Variants in LRRC4C observed in about 807,000 individuals in gnomAD.
The protein encoded by LRRC4C is leucine-rich repeat-containing protein 4C.
Under a neutral mutation model 33.6 loss-of-function variants are expected in LRRC4C, and 5 were observed. That is an observed-to-expected ratio of 0.15 (90% CI 0.08 to 0.31). LRRC4C has a LOEUF of 0.31. Ranked by LOEUF, LRRC4C falls within the 10% of genes least tolerant of loss-of-function variation. The pLI is 1.00. For missense variants in LRRC4C, 560 were observed against 796.7 expected (o/e 0.70, Z 3.58); for synonymous variants, 329 against 302.0 (o/e 1.09, Z -0.93).
chr11:41,003,342 T>C (rs545850073), intron 1 of LRRC4C, among the ~76,000 whole-genome samples: 1 of 152,214 alleles, frequency 6.6e-6, no homozygotes, highest in Admixed American at 6.5e-5. Context: ...AAGACAGACA[T>C]GGAGGCAGGT....
intron 2 of LRRC4C, among the ~76,000 whole-genome samples, chr11:40,824,238 A>C (rs1952063614): frequency 6.6e-6 from 1 of 151,936 alleles, no homozygotes; most frequent in South Asian, 2.1e-4. Context: ...AATTTCATAC[A>C]TTTAGAAAAC....
chr11:41,204,130 G>C (rs1475339038), intron 1 of LRRC4C, among the ~76,000 whole-genome samples: 1 of 152,114 alleles, frequency 6.6e-6, no homozygotes, highest in East Asian at 1.9e-4. Context: ...AGTAAGACAA[G>C]AGCCTTCAAG....
chr11:40,834,884 G>GCAGACAGACAGA (rs201366160), intron 2 of LRRC4C, among the ~76,000 whole-genome samples: 4 of 122,270 alleles, frequency 3.3e-5, no homozygotes, highest in South Asian at 3.2e-4. Context: ...GAAAAGACAG[G>GCAGACAGACAGA]CAGACAGACA....
intron 3 of LRRC4C, among the ~76,000 whole-genome samples, chr11:40,454,652 G>A (rs1322445771): frequency 2.0e-5 from 3 of 152,136 alleles, no homozygotes; most frequent in Non-Finnish European, 4.4e-5. Flanking sequence ...GGTAAACACA[G>A]CTATGTTAAA....
chr11:40,632,519 T>G (rs774264543), intron 3 of LRRC4C, among the ~76,000 whole-genome samples: 2 of 152,118 alleles, frequency 1.3e-5, no homozygotes, highest in Non-Finnish European at 2.9e-5. Flanking sequence ...CCGTGTAGAA[T>G]GAAGATGAAA....
intron 3 of LRRC4C, among the ~76,000 whole-genome samples, chr11:40,429,366 G>T (rs1013110959): frequency 1.3e-5 from 2 of 152,134 alleles, no homozygotes; most frequent in Non-Finnish European, 2.9e-5. Context: ...GAGCCACTGC[G>T]CCTGGCCCTG....
intron 1 of LRRC4C, among the ~76,000 whole-genome samples, chr11:41,392,044 A>G (rs866494485): frequency 2.0e-5 from 3 of 151,920 alleles, no homozygotes; most frequent in Non-Finnish European, 2.9e-5. Context: ...GGTAGTCAGA[A>G]TTAAGTACTC....
intron 2 of LRRC4C, among the ~76,000 whole-genome samples, chr11:40,669,419 G>T (rs1052938620): frequency 7.2e-5 from 11 of 152,178 alleles, no homozygotes; most frequent in African/African-American, 2.7e-4. Flanking sequence ...CAGGCCATGA[G>T]ACCTGGCTTC....
chr11:40,421,550 T>G (rs1000630269), intron 3 of LRRC4C, among the ~76,000 whole-genome samples: 5 of 152,224 alleles, frequency 3.3e-5, no homozygotes, highest in African/African-American at 9.6e-5. Flanking sequence ...AGACCAGCAC[T>G]TAAACCCTAA....
chr11:41,025,328 G>A (rs2137736646), intron 1 of LRRC4C, among the ~76,000 whole-genome samples: 1 of 151,648 alleles, frequency 6.6e-6, no homozygotes, highest in Middle Eastern at 3.4e-3. Flanking sequence ...CAAAGGAAAA[G>A]CTCTTGAAGG....
Position 40,477,285 on chromosome 11 carries a change from C to T in LRRC4C, c.-269-157564G>A, listed in dbSNP as rs137884530. 5.6e-3 allele frequency among the ~76,000 whole-genome samples: 847 copies of T among 151,808 alleles called. 5 individuals are homozygous for T. Among genetic ancestry groups the T allele is most frequent in the Non-Finnish European group, 7.2e-3 (488 of 67,932 alleles). On this transcript the variant is annotated intron_variant, in intron 3 of 6. Coordinates refer to ENST00000528697, the MANE Select transcript of LRRC4C (RefSeq NM_001258419.2). ...CACTTTTAGCTCAAAAATGGTGCTA[C>T]TGAGTTTGAGAGACAACATCAAGAA...
Position 40,377,461 on chromosome 11 carries a change from T to A in LRRC4C, c.-269-57740A>T, listed in dbSNP as rs192464366. Among the ~76,000 whole-genome samples, 5 of 152,286 alleles carry A rather than the reference T, an allele frequency of 3.3e-5. No homozygotes were observed. The East Asian group carries it at 9.6e-4, about 29-fold the overall frequency. Reference sequence around the variant, plus strand: ...GCCTATGTTTCAATGTTGGTGTACATTTCTTTACGTGTCACATACGTAATG... The same window carrying A: ...GCCTATGTTTCAATGTTGGTGTACAATTCTTTACGTGTCACATACGTAATG... On this transcript the variant is annotated intron_variant, in intron 3 of 6. Coordinates refer to ENST00000528697, the MANE Select transcript of LRRC4C (RefSeq NM_001258419.2).
intron 1 of LRRC4C, among the ~76,000 whole-genome samples, chr11:41,429,373 A>G (rs1356635095): frequency 6.6e-6 from 1 of 152,160 alleles, no homozygotes; most frequent in Non-Finnish European, 1.5e-5. Flanking sequence ...CTGATGTCAA[A>G]CATATCCTTT....
Position 40,306,243 on chromosome 11 carries a change from G to T in LRRC4C, c.-176+13385C>A, listed in dbSNP as rs1945023859. On this transcript the variant is annotated intron_variant, in intron 4 of 6. Coordinates refer to ENST00000528697, the MANE Select transcript of LRRC4C (RefSeq NM_001258419.2). The stretch of plus-strand genomic sequence containing the variant: ...ATTTAGTTATTGTATCTTTAAAAAG[G>T]TTAGCCTTTTTCTCTTCCAAAGTGT... 2.0e-5 allele frequency among the ~76,000 whole-genome samples: 3 copies of T among 152,210 alleles called. No homozygotes were observed. The South Asian group carries it at 6.2e-4, about 32-fold the overall frequency.
intron 2 of LRRC4C, among the ~76,000 whole-genome samples, chr11:40,782,208 T>A (rs1950236010): frequency 6.6e-6 from 1 of 152,220 alleles, no homozygotes; most frequent in Non-Finnish European, 1.5e-5. Flanking sequence ...TCGGCATATA[T>A]ACTTTCAGAT....
chr11:40,132,509 C>A (rs1856713914), intron 6 of LRRC4C, among the ~76,000 whole-genome samples: 1 of 152,102 alleles, frequency 6.6e-6, no homozygotes. Flanking sequence ...GAAATGGGAC[C>A]TTCTCTGTTC....
At chr11:40,670,748 T>C in intron 2 of LRRC4C, among the ~76,000 whole-genome samples, 1 of 151,922 alleles carries the variant, frequency 6.6e-6, no homozygotes, top group East Asian at 1.9e-4. Context: ...AAGAAGAACT[T>C]TTTGTTTGTT....
At chr11:40,589,880 A>G (rs1045171804) in intron 3 of LRRC4C, among the ~76,000 whole-genome samples, 10 of 149,208 alleles carry the variant, frequency 6.7e-5, no homozygotes, top group African/African-American at 2.5e-4. Context: ...TTTGAGGGTA[A>G]CCCGACCTTT....
At chr11:40,998,282 C>G (rs1854123259) in intron 1 of LRRC4C, among the ~76,000 whole-genome samples, 1 of 151,602 alleles carries the variant, frequency 6.6e-6, no homozygotes, top group African/African-American at 2.4e-5. Flanking sequence ...AAAGGACATT[C>G]TTCCATGTAA....
Sources: allele counts gnomAD v4.1 joint callset (sites outside exome capture counted in the v4.1 genomes callset), GRCh38; gene constraint gnomAD v4.1.1; transcripts MANE v1.5; gene names NCBI Gene and HGNC (gene_info 2026-07-23, HGNC 2026-07-21).